Variants in BCR observed in about 807,000 individuals in gnomAD.
BCR encodes the protein breakpoint cluster region protein.
In BCR, 58 loss-of-function variants were observed where a neutral mutation model predicts 138.6. That is an observed-to-expected ratio of 0.42 (90% CI 0.34 to 0.52). The LOEUF (loss-of-function observed/expected upper bound fraction) is 0.52, where lower values mean the gene tolerates loss of function less well. Among genes scored for constraint, BCR ranks in the 20% least tolerant of loss-of-function variants. The pLI is 0.06. For missense variants in BCR, 1,599 were observed against 1,727.2 expected, an observed-to-expected ratio of 0.93 and a Z score of 1.32; for synonymous variants, 786 against 730.1, an observed-to-expected ratio of 1.08 and a Z score of -1.23.
At chr22:23,259,980 A>T (rs1331749989) in intron 2 of BCR, among the ~76,000 whole-genome samples, 1 of 152,282 alleles carries the variant, frequency 6.6e-6, no homozygotes, top group South Asian at 2.1e-4. Flanking sequence ...AGAGTGAGAC[A>T]TCGTCTCAAA....
intron 4 of BCR, chr22:23,263,657 G>A: frequency 6.9e-7 from 1 of 1,451,108 alleles, no homozygotes. Flanking sequence ...AGTGCAGGAG[G>A]AGATGGGAAG....
chr22:23,299,475 CGTGGCCTTA>C (rs1168898756), intron 16 of BCR, among the ~76,000 whole-genome samples: 2 of 151,944 alleles, frequency 1.3e-5, no homozygotes, highest in South Asian at 4.1e-4. Flanking sequence ...TCGATGCCTT[CGTGGCCTTA>C]CCTGACCATA....
chr22:23,181,905 C>T lies in BCR; in HGVS notation c.945C>T (p.Ser315=), dbSNP rs758043090. 1.2e-6 allele frequency: 2 copies of T among 1,613,526 alleles called. No individual in the cohort carries two copies. Among genetic ancestry groups the T allele is most frequent in the East Asian group, 2.2e-5 (1 of 44,878 alleles). Residue 315 remains serine (S), a synonymous_variant, in exon 1 of 23, where the codon TCC becomes TCT. Coordinates refer to ENST00000305877, the MANE Select transcript of BCR (RefSeq NM_004327.4). ...QEKRLTWPRR[S]YSPRSFEDCG... ...AGCGCCTTACCTGGCCCCGCAGGTC[C>T]TACTCCCCCCGGAGTTTTGAGGATT...
In BCR at chr22:23,181,292, A is replaced by T; in HGVS notation, c.332A>T (p.Glu111Val). ...GACGGAGCCGACCCGCCGCCCGCCG[A>T]GGAGCCCGAGGCCCGGCCCGACGGC... ...PADGADPPPA[E>V]EPEARPDGEG... The change falls in exon 1 of 23, where the codon GAG (glutamate) becomes GTG (valine). Residue 111 changes from glutamate (E) to valine (V), a missense_variant. Coordinates refer to ENST00000305877, the MANE Select transcript of BCR (RefSeq NM_004327.4). 7.6e-7 allele frequency: 1 copy of T among 1,311,474 alleles called. No homozygotes were observed. The highest frequency in any genetic ancestry group is 2.3e-5 in the South Asian group (1 of 42,792). The allele number at this position is 1,311,474 out of a possible 1,614,324, so 81.2% of individuals were successfully genotyped here.
chr22:23,186,384 G>GGGT (rs200582377), intron 1 of BCR, among the ~76,000 whole-genome samples: 2,583 of 152,240 alleles, frequency 0.017, 68 homozygotes, highest in African/African-American at 0.059. Context: ...TTGTTTCTTT[G>GGGT]GGTAAGGCCA....
intron 8 of BCR, among the ~76,000 whole-genome samples, chr22:23,280,172 A>G (rs1309073795): frequency 6.6e-6 from 1 of 152,198 alleles, no homozygotes; most frequent in Admixed American, 6.5e-5. Context: ...TTTCAGCCCT[A>G]ACAGTATGCT....
In BCR at chr22:23,315,627, C is replaced by A; in HGVS notation, c.*105C>A. 1 of 1,088,912 alleles carries A rather than the reference C, an allele frequency of 9.2e-7. No individual in the cohort carries two copies. The highest frequency in any genetic ancestry group is 1.5e-5 in the African/African-American group (1 of 64,658). 67.5% of individuals were successfully genotyped at this position (1,088,912 alleles called of 1,614,324 possible). On this transcript the variant is annotated 3_prime_UTR_variant, in exon 23 of 23. Transcript: ENST00000305877. ...TTCCTGAGGTGTCCTTGGGCCACCC[C>A]CAAGTGTTGGGCCATCTGCCAAGAG...
intron 16 of BCR, among the ~76,000 whole-genome samples, chr22:23,298,116 A>G (rs1189210204): frequency 6.6e-6 from 1 of 152,200 alleles, no homozygotes; most frequent in East Asian, 1.9e-4. Context: ...CTCAATGCTG[A>G]AGTCACTTGG....
chr22:23,210,400 G>C (rs2072667520), intron 1 of BCR, among the ~76,000 whole-genome samples: 1 of 149,138 alleles, frequency 6.7e-6, no homozygotes, highest in African/African-American at 2.5e-5. Context: ...CTGGGTGACA[G>C]AGTAAGACCC....
intron 1 of BCR, among the ~76,000 whole-genome samples, chr22:23,192,478 T>C (rs1024194631): frequency 6.6e-6 from 1 of 152,210 alleles, no homozygotes; most frequent in Non-Finnish European, 1.5e-5. Flanking sequence ...TCGGCTTTGG[T>C]CTGGTGGGAA....
chr22:23,244,579 G>A (rs2073133546), intron 1 of BCR, among the ~76,000 whole-genome samples: 1 of 152,206 alleles, frequency 6.6e-6, no homozygotes, highest in African/African-American at 2.4e-5. Context: ...TGGTTGCTGT[G>A]ATGCCCACGT....
In BCR at chr22:23,284,589, G is replaced by A. The variant is rs190882402; in HGVS notation, c.2238-444G>A. 9.8e-5 allele frequency among the ~76,000 whole-genome samples: 15 copies of A among 152,298 alleles called. No homozygotes were observed. In the East Asian group the frequency reaches 1.7e-3, roughly 18 times the overall value. On this transcript the variant is annotated intron_variant, in intron 9 of 22. Coordinates refer to ENST00000305877, the MANE Select transcript of BCR (RefSeq NM_004327.4). ...ACGGGGCTCTTTCCTGCATCCTGCC[G>A]TTGCCCTGCTGAGTGGGTTTAATCA...
chr22:23,240,630 T>C (rs930572129), intron 1 of BCR, among the ~76,000 whole-genome samples: 4 of 151,314 alleles, frequency 2.6e-5, no homozygotes, highest in Non-Finnish European at 5.9e-5. Context: ...CCAGCCTGGG[T>C]GACAGAGCGA....
chr22:23,273,531 C>A, intron 7 of BCR, 103 bp from the exon 8 acceptor site: 1 of 1,489,788 alleles, frequency 6.7e-7, no homozygotes, highest in Non-Finnish European at 9.2e-7. Context: ...ACTGAGGGAG[C>A]CGGCGCTCTG....
At chr22:23,209,797 AT>A (rs1202860084) in intron 1 of BCR, among the ~76,000 whole-genome samples, 3 of 151,474 alleles carry the variant, frequency 2.0e-5, no homozygotes, top group Non-Finnish European at 4.4e-5. Context: ...CGCCCAGCCT[AT>A]TTTTTAATTT....
Position 23,287,260 on chromosome 22 carries a change from G to A in BCR, c.2508G>A (p.Val836=). 5.8e-6 allele frequency: 9 copies of A among 1,552,182 alleles called. No homozygotes were observed. The highest frequency in any genetic ancestry group is 2.4e-5 in the East Asian group (1 of 41,310). Residue 836 remains valine (V), a synonymous_variant, in exon 11 of 23, where the codon GTG becomes GTA. Transcript: ENST00000305877. Reference sequence around the variant, plus strand: ...TGTCTCCCAGCATGGCCTTCAGGGTGCACAGCCGCAACGGCAAGGTGAGCG... The same window carrying A: ...TGTCTCCCAGCATGGCCTTCAGGGTACACAGCCGCAACGGCAAGGTGAGCG... ...LLMSPSMAFR[V]HSRNGKSYTF...
intron 1 of BCR, among the ~76,000 whole-genome samples, chr22:23,190,883 A>G (rs1313716054): frequency 2.0e-5 from 3 of 152,118 alleles, no homozygotes; most frequent in African/African-American, 4.8e-5. Flanking sequence ...GGTCATTGCT[A>G]AGGTTCTTTC....
intron 8 of BCR, among the ~76,000 whole-genome samples, chr22:23,274,573 G>C (rs1306650805): frequency 1.3e-5 from 2 of 152,204 alleles, no homozygotes; most frequent in African/African-American, 4.8e-5. Flanking sequence ...GTCTGGCCCA[G>C]GCAGGACACA....
chr22:23,189,564 G>A (rs902802412), intron 1 of BCR, among the ~76,000 whole-genome samples: 1 of 151,972 alleles, frequency 6.6e-6, no homozygotes, highest in African/African-American at 2.4e-5. Context: ...GCAATGGCAC[G>A]ATCTCGGCTC....
Sources: allele counts gnomAD v4.1 joint callset (sites outside exome capture counted in the v4.1 genomes callset), GRCh38; gene constraint gnomAD v4.1.1; transcripts MANE v1.5; gene names NCBI Gene and HGNC (gene_info 2026-07-23, HGNC 2026-07-21).